BMERB1: variants seen among roughly 807,000 people sequenced by gnomAD.
BMERB1 encodes bMERB domain-containing protein 1.
BMERB1 carries 12 observed loss-of-function variants against 23.6 expected under a neutral mutation model. The ratio of observed to expected loss-of-function variants is 0.51; its 90% CI spans 0.33 to 0.82. The LOEUF is 0.82. BMERB1 is among the 40% of genes least tolerant of loss of function. The pLI is 0.03. For synonymous variants in BMERB1, 122 were observed against 96.6 expected, an observed-to-expected ratio of 1.26 and a Z score of -1.54; for missense variants, 247 against 255.4, an observed-to-expected ratio of 0.97 and a Z score of 0.22.
intron 1 of BMERB1, among the ~76,000 whole-genome samples, chr16:15,439,433 T>TA (rs1165773437): frequency 6.6e-6 from 1 of 152,204 alleles, no homozygotes; most frequent in Non-Finnish European, 1.5e-5. Flanking sequence ...ATGGTTGTCA[T>TA]AGGAGGACAG....
At chr16:15,486,195 C>T (rs1459882140) in intron 1 of BMERB1, among the ~76,000 whole-genome samples, 1 of 137,462 alleles carries the variant, frequency 7.3e-6, no homozygotes, top group Non-Finnish European at 1.6e-5. Flanking sequence ...GAGCAAGACT[C>T]CATCTCAAAA....
intron 2 of BMERB1, among the ~76,000 whole-genome samples, chr16:15,531,312 T>C (rs2051964999): frequency 6.6e-6 from 1 of 152,182 alleles, no homozygotes; most frequent in African/African-American, 2.4e-5. Context: ...CAGGCTGGTC[T>C]TGAACTCCTA....
chr16:15,465,353 ATTT>A (rs4012914), intron 1 of BMERB1, among the ~76,000 whole-genome samples: 4 of 133,446 alleles, frequency 3.0e-5, no homozygotes, highest in Non-Finnish European at 3.2e-5. Context: ...TAAGATATAT[ATTT>A]TTTTTTTTTT....
At chr16:15,544,234 T>C (rs1481070955) in intron 2 of BMERB1, among the ~76,000 whole-genome samples, 1 of 152,236 alleles carries the variant, frequency 6.6e-6, no homozygotes, top group Non-Finnish European at 1.5e-5. Context: ...TGGAGCGAGC[T>C]TTACCATTTT....
intron 1 of BMERB1, among the ~76,000 whole-genome samples, chr16:15,497,122 C>T (rs150192657): frequency 2.2e-4 from 33 of 152,292 alleles, no homozygotes; most frequent in African/African-American, 7.5e-4. Flanking sequence ...CGTCTAGGTC[C>T]TGCTGCTCAC....
chr16:15,451,700 A>C (rs1598445247), intron 1 of BMERB1, among the ~76,000 whole-genome samples: 2 of 147,784 alleles, frequency 1.4e-5, no homozygotes, highest in Non-Finnish European at 3.0e-5. Flanking sequence ...CTGGGACTAC[A>C]GGTGGGTGTC....
chr16:15,505,034 T>G (rs1189110231), intron 1 of BMERB1, among the ~76,000 whole-genome samples: 1 of 152,190 alleles, frequency 6.6e-6, no homozygotes, highest in Non-Finnish European at 1.5e-5. Context: ...TGAGTAGGAC[T>G]TAACCCATGG....
At chr16:15,582,128 T>C (rs555823848) in intron 4 of BMERB1, among the ~76,000 whole-genome samples, 68 of 152,360 alleles carry the variant, frequency 4.5e-4, no homozygotes, top group African/African-American at 1.6e-3. Flanking sequence ...TCGGGTACAG[T>C]GGCTGACGCC....
intron 2 of BMERB1, among the ~76,000 whole-genome samples, chr16:15,566,323 G>A (rs2150971476): frequency 6.6e-6 from 1 of 152,292 alleles, no homozygotes; most frequent in South Asian, 2.1e-4. Context: ...CACACTGTTG[G>A]TAATGTCACA....
intron 1 of BMERB1, among the ~76,000 whole-genome samples, chr16:15,442,496 A>T (rs1187020557): frequency 6.6e-6 from 1 of 152,192 alleles, no homozygotes. Context: ...ACAGTTGAGT[A>T]ATGTCTGCTC....
At chr16:15,553,934 T>G (rs573753953) in intron 2 of BMERB1, among the ~76,000 whole-genome samples, 1 of 152,312 alleles carries the variant, frequency 6.6e-6, no homozygotes, top group South Asian at 2.1e-4. Context: ...GCTCTCACTC[T>G]AGAACCTAAG....
At chr16:15,572,146 A>G (rs1168802251) in intron 3 of BMERB1, among the ~76,000 whole-genome samples, 1 of 152,242 alleles carries the variant, frequency 6.6e-6, no homozygotes, top group Non-Finnish European at 1.5e-5. Context: ...GTTTGAATTC[A>G]GCCTTAGCAG....
At chr16:15,438,608 C>G (rs1243933045) in intron 1 of BMERB1, among the ~76,000 whole-genome samples, 1 of 151,646 alleles carries the variant, frequency 6.6e-6, no homozygotes, top group Non-Finnish European at 1.5e-5. Context: ...TACAGGCATG[C>G]ACCACCACGT....
intron 2 of BMERB1, among the ~76,000 whole-genome samples, chr16:15,541,688 G>A (rs1434368584): frequency 6.9e-6 from 1 of 145,510 alleles, no homozygotes; most frequent in African/African-American, 2.6e-5. Context: ...TGCAAGCTCC[G>A]CCTCCCAGGT....
chr16:15,553,785 A>G (rs572921764), intron 2 of BMERB1, among the ~76,000 whole-genome samples: 89 of 152,302 alleles, frequency 5.8e-4, no homozygotes, highest in African/African-American at 2.0e-3. Context: ...CTAAAGATTG[A>G]GGAGCAAACG....
At chr16:15,517,269 G>C (rs949824973) in intron 2 of BMERB1, among the ~76,000 whole-genome samples, 1 of 152,216 alleles carries the variant, frequency 6.6e-6, no homozygotes, top group Non-Finnish European at 1.5e-5. Flanking sequence ...AGCACTTTGA[G>C]AGGCGGAGGT....
At chr16:15,532,551 T>TG (rs1390372553) in intron 2 of BMERB1, among the ~76,000 whole-genome samples, 4 of 139,948 alleles carry the variant, frequency 2.9e-5, no homozygotes, top group Non-Finnish European at 6.2e-5. Flanking sequence ...TTTCTTTTTT[T>TG]TTTTTTTTTT....
intron 3 of BMERB1, among the ~76,000 whole-genome samples, chr16:15,572,242 C>T (rs1023289211): frequency 6.6e-6 from 1 of 152,116 alleles, no homozygotes; most frequent in Non-Finnish European, 1.5e-5. Context: ...AATACTACCC[C>T]CCGCATGGTT....
At chr16:15,563,388 T>A (rs537458088) in intron 2 of BMERB1, among the ~76,000 whole-genome samples, 1 of 151,860 alleles carries the variant, frequency 6.6e-6, no homozygotes, top group South Asian at 2.1e-4. Context: ...CCCGGCTAAT[T>A]TTTCGTATTT....
Sources: gnomAD v4.1 joint callset for allele counts (sites outside exome capture counted in the v4.1 genomes callset) on GRCh38, gnomAD v4.1.1 for gene constraint, MANE v1.5 for transcripts, NCBI Gene and HGNC (gene_info 2026-07-23, HGNC 2026-07-21) for gene names.